Variants in CACNA1E observed in about 807,000 individuals in gnomAD.
CACNA1E encodes voltage-dependent R-type calcium channel subunit alpha-1E.
CACNA1E carries 40 observed loss-of-function variants against 259.2 expected under a neutral mutation model. The ratio of observed to expected loss-of-function variants is 0.15; its 90% CI spans 0.12 to 0.20. The LOEUF (loss-of-function observed/expected upper bound fraction) is 0.20, where lower values mean the gene tolerates loss of function less well. Among genes scored for constraint, CACNA1E ranks in the 10% least tolerant of loss-of-function variants. The pLI is 1.00. For missense variants in CACNA1E, 1,874 were observed against 3,040.1 expected (o/e 0.62, Z 9.02); for synonymous variants, 1,104 against 1,138.5 (o/e 0.97, Z 0.61).
At chr1:181,796,305 A>G (rs149800994) in intron 46 of CACNA1E, among the ~76,000 whole-genome samples, 1 of 152,254 alleles carries the variant, frequency 6.6e-6, no homozygotes, top group Non-Finnish European at 1.5e-5. Context: ...TAGATTCAAT[A>G]ACATGTATTT....
chr1:181,712,361 T>C (rs1043422000), intron 8 of CACNA1E, among the ~76,000 whole-genome samples: 9 of 152,206 alleles, frequency 5.9e-5, no homozygotes, highest in African/African-American at 1.7e-4. Context: ...CTATTCCTAA[T>C]AGAAAACATA....
Position 181,545,008 on chromosome 1 carries a change from C to T in CACNA1E, c.513-32758C>T, listed in dbSNP as rs536122008. 4.6e-5 allele frequency among the ~76,000 whole-genome samples: 7 copies of T among 152,268 alleles called. No individual in the cohort carries two copies. In the South Asian group the frequency reaches 1.5e-3, roughly 32 times the overall value. On this transcript the variant is annotated intron_variant, in intron 3 of 47. Coordinates refer to ENST00000367573, the MANE Select transcript of CACNA1E (RefSeq NM_001205293.3). ...GTTTAAAATGAAAAATTTGGCCCTA[C>T]CCCCAGAGGGTAAGGAATCTGCCTG...
At position 181,796,803 on chromosome 1, in the gene CACNA1E, A is replaced by G. The variant is rs1661847373; in HGVS notation, c.6344A>G (p.Glu2115Gly). The G allele has an allele frequency of 6.8e-6, 11 of 1,610,820 alleles. No homozygotes were observed. The highest frequency in any genetic ancestry group is 8.5e-6 in the Non-Finnish European group (10 of 1,178,584). The change falls in exon 47 of 48, where the codon GAG becomes GGG. Residue 2115 changes from glutamate to glycine, a missense_variant. This residue lies in a region of CACNA1E where 542 missense variants were observed against 587.2 expected (regional missense o/e 0.92). Coordinates refer to ENST00000367573, the MANE Select transcript of CACNA1E (RefSeq NM_001205293.3). ...RGTQADWESP[E>G]RRQSRSPSEG... Reference sequence around the variant, plus strand: ...ACCCAGGCTGACTGGGAGTCCCCAGAGCGCCGTCAATCCAGGTCACCCAGT... The same window carrying G: ...ACCCAGGCTGACTGGGAGTCCCCAGGGCGCCGTCAATCCAGGTCACCCAGT...
intron 1 of CACNA1E, among the ~76,000 whole-genome samples, chr1:181,379,006 C>G (rs1020781164): frequency 1.5e-4 from 23 of 151,882 alleles, no homozygotes; most frequent in South Asian, 2.1e-4. Context: ...GAAAATACAC[C>G]CATAATGAGG....
intron 2 of CACNA1E, among the ~76,000 whole-genome samples, chr1:181,460,807 C>T (rs1393014431): frequency 1.3e-5 from 2 of 152,220 alleles, no homozygotes; most frequent in African/African-American, 4.8e-5. Flanking sequence ...GAGTCTGAAT[C>T]TTGGATTCTG....
intron 2 of CACNA1E, among the ~76,000 whole-genome samples, chr1:181,417,754 T>G (rs1658381889): frequency 6.6e-6 from 1 of 152,210 alleles, no homozygotes; most frequent in Non-Finnish European, 1.5e-5. Flanking sequence ...TCCTAGCTCA[T>G]GACTACAATT....
At chr1:181,354,162 T>A (rs1571643012) in intron 1 of CACNA1E, among the ~76,000 whole-genome samples, 1 of 149,664 alleles carries the variant, frequency 6.7e-6, no homozygotes, top group Non-Finnish European at 1.5e-5. Flanking sequence ...TTTTTTTTTT[T>A]AAACAGTCTA....
intron 3 of CACNA1E, among the ~76,000 whole-genome samples, chr1:181,566,325 T>G (rs1649818545): frequency 6.6e-6 from 1 of 152,190 alleles, no homozygotes; most frequent in Admixed American, 6.5e-5. Context: ...AAAATTGGGA[T>G]AGTGGTACCT....
rs369449101 is a variant in CACNA1E, at chr1:181,759,073, C to T, written c.4605+205C>T. ...AAAGGGCAAAGGAAGCCACAGCCAT[C>T]AGCCTGGTCCTGTGAAATTCTGTCA... is the stretch of plus-strand genomic sequence containing the variant. On this transcript the variant is annotated intron_variant, in intron 32 of 47. Coordinates refer to ENST00000367573, the MANE Select transcript of CACNA1E (RefSeq NM_001205293.3). 2.7e-4 allele frequency among the ~76,000 whole-genome samples: 41 copies of T among 152,334 alleles called. 1 individual carries two copies. Among genetic ancestry groups the T allele is most frequent in the African/African-American group, 9.6e-4 (40 of 41,576 alleles).
At chr1:181,621,449 C>T (rs184689723) in intron 6 of CACNA1E, among the ~76,000 whole-genome samples, 5 of 152,202 alleles carry the variant, frequency 3.3e-5, no homozygotes, top group African/African-American at 4.8e-5. Flanking sequence ...CATACAGAGT[C>T]GACTGTACAT....
At chr1:181,523,462 G>A (rs190248390) in intron 3 of CACNA1E, among the ~76,000 whole-genome samples, 3 of 152,302 alleles carry the variant, frequency 2.0e-5, no homozygotes, top group East Asian at 1.9e-4. Context: ...ATATAGCATA[G>A]TGATTAAGAA....
At chr1:181,650,252 A>T (rs1186043477) in intron 6 of CACNA1E, among the ~76,000 whole-genome samples, 2 of 152,256 alleles carry the variant, frequency 1.3e-5, no homozygotes. Flanking sequence ...ACTTTGCTAT[A>T]GAAATTCTGA....
intron 1 of CACNA1E, among the ~76,000 whole-genome samples, chr1:181,388,935 A>G (rs565943157): frequency 6.6e-6 from 1 of 151,964 alleles, no homozygotes; most frequent in South Asian, 2.1e-4. Context: ...GCATCGTTGT[A>G]TATGCTGTCT....
At chr1:181,690,003 G>A (rs1650976751) in intron 7 of CACNA1E, among the ~76,000 whole-genome samples, 1 of 152,056 alleles carries the variant, frequency 6.6e-6, no homozygotes, top group Non-Finnish European at 1.5e-5. Flanking sequence ...GTCAATTTTG[G>A]CTTTTGTTGC....
Position 181,724,571 on chromosome 1 carries a change from C to CCA in CACNA1E, c.2142+34_2142+35insCA, listed in dbSNP as rs556760790. ...TGTTTTCTGGGGATCTGATGTTTCT[C>CCA]TAGTGCCATTGGGTACCCTTTGGCC... On this transcript the variant is annotated intron_variant, in intron 17 of 47. Coordinates refer to ENST00000367573, the MANE Select transcript of CACNA1E (RefSeq NM_001205293.3). 103 of 1,557,366 alleles carry CCA rather than the reference C, an allele frequency of 6.6e-5. No homozygotes were observed. In the East Asian group the frequency reaches 2.1e-3, roughly 32 times the overall value.
At chr1:181,490,520 T>C (rs1301845201) in intron 1 of CACNA1E, among the ~76,000 whole-genome samples, 1 of 149,480 alleles carries the variant, frequency 6.7e-6, no homozygotes, top group Non-Finnish European at 1.5e-5. Context: ...AGAGAGGCCC[T>C]GCCTGGCACC....
At chr1:181,731,831 A>G (rs1422783299) in intron 19 of CACNA1E, among the ~76,000 whole-genome samples, 5 of 152,040 alleles carry the variant, frequency 3.3e-5, no homozygotes, top group Non-Finnish European at 5.9e-5. Context: ...AGAGACTCCT[A>G]GCACTCTTAC....
chr1:181,337,305 G>A (rs1311568082), intron 1 of CACNA1E, among the ~76,000 whole-genome samples: 7 of 150,100 alleles, frequency 4.7e-5, no homozygotes, highest in South Asian at 4.2e-4. Flanking sequence ...ACAGGCGCCC[G>A]CCACCACGCC....
At chr1:181,440,725 G>C (rs989890203) in intron 2 of CACNA1E, among the ~76,000 whole-genome samples, 1 of 152,078 alleles carries the variant, frequency 6.6e-6, no homozygotes, top group African/African-American at 2.4e-5. Context: ...CACTTCGGGA[G>C]GCTGCGGTGG....
Sources: gnomAD v4.1 joint callset for allele counts (sites outside exome capture counted in the v4.1 genomes callset) on GRCh38, gnomAD v4.1.1 for gene constraint, gnomAD v4.1.1 regional missense constraint, MANE v1.5 for transcripts, NCBI Gene and HGNC (gene_info 2026-07-23, HGNC 2026-07-21) for gene names.